CMKLR1: variants seen among roughly 807,000 people sequenced by gnomAD.
CMKLR1 encodes the protein chemerin chemokine-like receptor 1, also known as chemerin-like receptor 1.
CMKLR1 carries 6 observed loss-of-function variants against 8.2 expected under a neutral mutation model. The observed-to-expected ratio is 0.73, with a 90% CI of 0.40 to 1.44. The LOEUF (loss-of-function observed/expected upper bound fraction) is 1.44. CMKLR1 is among the 40% of genes most tolerant of loss of function. The pLI, the probability that CMKLR1 is intolerant of heterozygous loss-of-function variation, is 0.02. For synonymous variants in CMKLR1, 178 were observed against 181.2 expected, an observed-to-expected ratio of 0.98 and a Z score of 0.14; for missense variants, 429 against 478.0, an observed-to-expected ratio of 0.90 and a Z score of 0.96.
intron 2 of CMKLR1, among the ~76,000 whole-genome samples, chr12:108,308,252 G>A (rs1052892853): frequency 5.3e-5 from 8 of 152,160 alleles, no homozygotes; most frequent in African/African-American, 1.7e-4. Flanking sequence ...AAACAAGGCT[G>A]GTGAGGTGCT....
At chr12:108,323,500 G>A (rs921880211) in intron 2 of CMKLR1, among the ~76,000 whole-genome samples, 1 of 152,134 alleles carries the variant, frequency 6.6e-6, no homozygotes, top group Non-Finnish European at 1.5e-5. Flanking sequence ...TCAAACCCTA[G>A]CCCTCAAATG....
intron 2 of CMKLR1, among the ~76,000 whole-genome samples, chr12:108,324,629 TC>T (rs1383545615): frequency 3.3e-5 from 5 of 152,182 alleles, no homozygotes; most frequent in African/African-American, 1.2e-4. Flanking sequence ...AATGCAAAGT[TC>T]CCAAGCTATT....
rs1891057460 is a variant in CMKLR1 at position 108,293,803 on chromosome 12, C to T, written c.-73-139G>A. On this transcript the variant is annotated intron_variant, in intron 2 of 3. Coordinates refer to ENST00000550402, the MANE Select transcript of CMKLR1 (RefSeq NM_001142343.2). ...AGAAGGAAGCAGAAGTTCAGAAAGG[C>T]TGTTATTCAGCCAAGGTTATGCAGC... 1.3e-5 allele frequency: 8 copies of T among 619,284 alleles called. No individual in the cohort carries two copies. In the South Asian group the frequency reaches 1.6e-4, roughly 13 times the overall value. 38.4% of individuals were successfully genotyped at this position (619,284 alleles called of 1,614,324 possible). A position where few individuals can be genotyped will look rare whatever the true frequency, so the allele number is the denominator to read the frequency against.
At position 108,288,635 on chromosome 12, in the gene CMKLR1, G is replaced by A. The variant is rs907837032; in HGVS notation, c.*3206C>T. ...TGCGCTCTGGGAATTATCTAAGGCT[G>A]GCAAAGGCATCCCGGTGCTTGAGGC... On this transcript the variant is annotated 3_prime_UTR_variant, in exon 4 of 4. Coordinates refer to ENST00000550402, the MANE Select transcript of CMKLR1 (RefSeq NM_001142343.2). The A allele has an allele frequency of 6.6e-6, 1 of 152,276 alleles. No individual in the cohort carries two copies. Among genetic ancestry groups the A allele is most frequent in the Non-Finnish European group, 1.5e-5 (1 of 68,118 alleles). The allele number at this position is 152,276 out of a possible 1,614,324, so 9.4% of individuals were successfully genotyped here.
rs1050038676 is a variant in CMKLR1, at chr12:108,291,920, G to T, written c.1043C>A (p.Pro348His). ...LSEDTGHSSY[P>H]SHRSFTKMSS... ...CATCTTGGTAAAGCTTCTATGGCTG[G>T]GGTAGGAAGAGTGGCCTGTATCTTC... The change falls in exon 4 of 4, where the codon CCC becomes CAC. Residue 348 changes from proline to histidine, a missense_variant. Physicochemically the swap from Pro to His is moderately conservative, Grantham distance 77. Coordinates refer to ENST00000550402, the MANE Select transcript of CMKLR1 (RefSeq NM_001142343.2). 6 of 1,614,156 alleles carry T rather than the reference G, an allele frequency of 3.7e-6. No homozygotes were observed. The highest frequency in any genetic ancestry group is 5.1e-6 in the Non-Finnish European group (6 of 1,180,028).
chr12:108,336,734 T>C (rs1274029659), intron 1 of CMKLR1, among the ~76,000 whole-genome samples: 1 of 152,198 alleles, frequency 6.6e-6, no homozygotes, highest in Non-Finnish European at 1.5e-5. Context: ...AATAAGAGCA[T>C]TAATAATCCA....
At chr12:108,331,613 T>C (rs1892110258) in intron 1 of CMKLR1, among the ~76,000 whole-genome samples, 1 of 152,188 alleles carries the variant, frequency 6.6e-6, no homozygotes, top group South Asian at 2.1e-4. Context: ...CAAAAGACAC[T>C]TTGCAGACGT....
chr12:108,302,209 T>C (rs969202170), intron 2 of CMKLR1, among the ~76,000 whole-genome samples: 4 of 152,200 alleles, frequency 2.6e-5, no homozygotes, highest in African/African-American at 9.7e-5. Context: ...CTACACCTTC[T>C]AGACTGTGGC....
intron 2 of CMKLR1, among the ~76,000 whole-genome samples, chr12:108,312,944 C>A (rs554718122): frequency 6.6e-6 from 1 of 152,242 alleles, no homozygotes; most frequent in East Asian, 1.9e-4. Flanking sequence ...CCACATGGAG[C>A]TTTGAAAAAT....
At chr12:108,320,043 G>A (rs557724546) in intron 2 of CMKLR1, among the ~76,000 whole-genome samples, 16 of 152,090 alleles carry the variant, frequency 1.1e-4, no homozygotes, top group African/African-American at 2.9e-4. Context: ...GGGACCTGTC[G>A]GCATAGTATC....
Position 108,307,545 on chromosome 12 carries a change from G to C in CMKLR1, c.-73-13881C>G, listed in dbSNP as rs111309599. ...GAAGGGCAAGGAGGTGGAGAACCCAGACTCATCCGCTCTGGAGCCCTTGTG... is the reference window on the plus strand; with the variant it reads ...GAAGGGCAAGGAGGTGGAGAACCCACACTCATCCGCTCTGGAGCCCTTGTG... On this transcript the variant is annotated intron_variant, in intron 2 of 3. Transcript: ENST00000550402. Among the ~76,000 whole-genome samples, 1,321 of 152,298 alleles carry C rather than the reference G, an allele frequency of 8.7e-3. 17 individuals are homozygous for C. The highest frequency in any genetic ancestry group is 0.03 in the African/African-American group (1,263 of 41,554).
At chr12:108,312,434 C>G (rs1891610254) in intron 2 of CMKLR1, among the ~76,000 whole-genome samples, 1 of 152,240 alleles carries the variant, frequency 6.6e-6, no homozygotes, top group Non-Finnish European at 1.5e-5. Context: ...CCCTCACCCA[C>G]TGCCTGTCAC....
chr12:108,334,983 GT>G (rs1892188143), intron 1 of CMKLR1, among the ~76,000 whole-genome samples: 1 of 152,154 alleles, frequency 6.6e-6, no homozygotes, highest in Admixed American at 6.5e-5. Context: ...AAAAATCCAT[GT>G]TTAGGGGCCT....
At chr12:108,328,725 C>T (rs1327209586) in intron 2 of CMKLR1, among the ~76,000 whole-genome samples, 1 of 152,186 alleles carries the variant, frequency 6.6e-6, no homozygotes, top group African/African-American at 2.4e-5. Context: ...TTCTTGACGT[C>T]AGTCAGCCGT....
Position 108,291,798 on chromosome 12 carries a change from T to A in CMKLR1, c.*43A>T, listed in dbSNP as rs1890973207. The A allele has an allele frequency of 6.4e-7, 1 of 1,563,618 alleles. No individual in the cohort carries two copies. Among genetic ancestry groups the A allele is most frequent in the South Asian group, 1.2e-5 (1 of 81,444 alleles). ...TCTTCAGAAGACATATCCTTGGGTG[T>A]CCCTGGGTTGAGAGAGTCCATTGAG... On this transcript the variant is annotated 3_prime_UTR_variant, in exon 4 of 4. Coordinates refer to ENST00000550402, the MANE Select transcript of CMKLR1 (RefSeq NM_001142343.2).
At chr12:108,334,501 C>T (rs888769682) in intron 1 of CMKLR1, among the ~76,000 whole-genome samples, 16 of 152,230 alleles carry the variant, frequency 1.1e-4, no homozygotes. Context: ...TTCTTCACCC[C>T]AGGACCTAGG....
Position 108,293,041 on chromosome 12 carries a change from T to G in CMKLR1, c.4-82A>C, listed in dbSNP as rs1463107796. Reference sequence around the variant, plus strand: ...ACCAATACCAGCAAGACCAACAATGTTCCCCCTGACTCTGAGCAAGTCCAG... The same window carrying G: ...ACCAATACCAGCAAGACCAACAATGGTCCCCCTGACTCTGAGCAAGTCCAG... On this transcript the variant is annotated intron_variant, in intron 3 of 3. Coordinates refer to ENST00000550402, the MANE Select transcript of CMKLR1 (RefSeq NM_001142343.2). The G allele has an allele frequency of 3.0e-6, 4 of 1,322,088 alleles. No homozygotes were observed. In the Admixed American group the frequency reaches 9.0e-5, roughly 30 times the overall value. The allele number at this position is 1,322,088 out of a possible 1,614,324, so 81.9% of individuals were successfully genotyped here.
In CMKLR1 at chr12:108,288,887, A is replaced by G. The variant is rs1480362560; in HGVS notation, c.*2954T>C. 1 of 151,874 alleles carries G rather than the reference A, an allele frequency of 6.6e-6. No homozygotes were observed. The highest frequency in any genetic ancestry group is 1.5e-5 in the Non-Finnish European group (1 of 68,042). 9.4% of individuals were successfully genotyped at this position (151,874 alleles called of 1,614,324 possible). Reference sequence around the variant, plus strand: ...CTGACCTGATTCAAAGCCCAGCTCCATACCTCACTAGCTGTGCAACTCTGA... The same window carrying G: ...CTGACCTGATTCAAAGCCCAGCTCCGTACCTCACTAGCTGTGCAACTCTGA... On this transcript the variant is annotated 3_prime_UTR_variant, in exon 4 of 4. Transcript: ENST00000550402.
chr12:108,299,355 CT>C (rs981930724), intron 2 of CMKLR1, among the ~76,000 whole-genome samples: 1 of 152,088 alleles, frequency 6.6e-6, no homozygotes, highest in East Asian at 1.9e-4. Flanking sequence ...ATCAAAATCA[CT>C]TTTTTTTCAG....
Sources: allele counts gnomAD v4.1 joint callset (sites outside exome capture counted in the v4.1 genomes callset), GRCh38; gene constraint gnomAD v4.1.1; transcripts MANE v1.5; gene names NCBI Gene and HGNC (gene_info 2026-07-23, HGNC 2026-07-21).